Variants in CAMK1D observed in about 807,000 individuals in gnomAD.
The protein encoded by CAMK1D is calcium/calmodulin dependent protein kinase ID, also known as calcium/calmodulin-dependent protein kinase type 1D.
CAMK1D carries 9 observed loss-of-function variants against 47.7 expected under a neutral mutation model. That is an observed-to-expected ratio of 0.19 (90% CI 0.11 to 0.33). CAMK1D has a LOEUF of 0.33. CAMK1D is among the 10% of genes least tolerant of loss of function. The pLI is 1.00. For synonymous variants in CAMK1D, 184 were observed against 184.9 expected (o/e 0.99, Z 0.04); for missense variants, 291 against 488.7 (o/e 0.60, Z 3.81).
Position 12,648,172 on chromosome 10 carries a change from C to T in CAMK1D, c.225-18564C>T, listed in dbSNP as rs528245287. ...ACCTTAAAGACATTATATTCCAGGACATACAGCCATTGTAACCAGCTAAGA... is the reference window on the plus strand; with the variant it reads ...ACCTTAAAGACATTATATTCCAGGATATACAGCCATTGTAACCAGCTAAGA... On this transcript the variant is annotated intron_variant, in intron 2 of 10. Coordinates refer to ENST00000619168, the MANE Select transcript of CAMK1D (RefSeq NM_153498.4). 6.6e-5 allele frequency among the ~76,000 whole-genome samples: 10 copies of T among 152,316 alleles called. No individual in the cohort carries two copies. In the South Asian group the frequency reaches 2.1e-3, roughly 32 times the overall value.
chr10:12,437,016 G>C (rs992586278), intron 1 of CAMK1D, among the ~76,000 whole-genome samples: 1 of 152,114 alleles, frequency 6.6e-6, no homozygotes, highest in African/African-American at 2.4e-5. Context: ...CTTCCTGGGG[G>C]GTGGGCACAC....
intron 1 of CAMK1D, among the ~76,000 whole-genome samples, chr10:12,363,559 A>G (rs1249330695): frequency 6.6e-6 from 1 of 152,126 alleles, no homozygotes; most frequent in African/African-American, 2.4e-5. Context: ...GTAATACCCA[A>G]TACAATGTAA....
intron 2 of CAMK1D, among the ~76,000 whole-genome samples, chr10:12,598,201 A>G (rs557457127): frequency 6.6e-6 from 1 of 152,336 alleles, no homozygotes; most frequent in Non-Finnish European, 1.5e-5. Flanking sequence ...CCCTGCTGTG[A>G]AAATGAAAAT....
At chr10:12,626,760 C>T (rs193056379) in intron 2 of CAMK1D, among the ~76,000 whole-genome samples, 169 of 152,216 alleles carry the variant, frequency 1.1e-3, no homozygotes, top group African/African-American at 3.9e-3. Context: ...TAAGTGTGAG[C>T]CACTGCACCC....
chr10:12,573,517 G>C (rs151199725), intron 2 of CAMK1D, among the ~76,000 whole-genome samples: 30 of 152,264 alleles, frequency 2.0e-4, no homozygotes, highest in Non-Finnish European at 4.1e-4. Context: ...CAGTGTGAGT[G>C]GGGGACTCAC....
At chr10:12,510,446 C>T (rs907164398) in intron 1 of CAMK1D, among the ~76,000 whole-genome samples, 1 of 152,080 alleles carries the variant, frequency 6.6e-6, no homozygotes, top group South Asian at 2.1e-4. Context: ...AGTGTAGCCA[C>T]GTGGGCATTT....
chr10:12,713,582 A>T (rs574819051), intron 3 of CAMK1D, among the ~76,000 whole-genome samples: 68 of 152,354 alleles, frequency 4.5e-4, no homozygotes, highest in African/African-American at 1.3e-3. Flanking sequence ...ACTAGGATCC[A>T]TGTTTGTAGA....
At chr10:12,606,208 C>T (rs1362072510) in intron 2 of CAMK1D, among the ~76,000 whole-genome samples, 3 of 151,126 alleles carry the variant, frequency 2.0e-5, no homozygotes, top group Non-Finnish European at 2.9e-5. Context: ...GGGGAGGGAG[C>T]GCGGGGCCTC....
At chr10:12,701,350 A>G (rs756280702) in intron 3 of CAMK1D, among the ~76,000 whole-genome samples, 29 of 152,370 alleles carry the variant, frequency 1.9e-4, no homozygotes, top group South Asian at 4.1e-4. Context: ...AACAAAAAGC[A>G]CACCAAAATA....
chr10:12,364,301 G>A (rs1424265205), intron 1 of CAMK1D, among the ~76,000 whole-genome samples: 1 of 145,792 alleles, frequency 6.9e-6, no homozygotes, highest in Non-Finnish European at 1.5e-5. Flanking sequence ...GAGTGCAGTG[G>A]CATGATCTCG....
intron 2 of CAMK1D, among the ~76,000 whole-genome samples, chr10:12,613,350 G>A (rs1838687572): frequency 6.6e-6 from 1 of 152,166 alleles, no homozygotes; most frequent in Non-Finnish European, 1.5e-5. Flanking sequence ...GGCATTACAC[G>A]AGACTGTGAC....
At chr10:12,590,733 A>C (rs561407969) in intron 2 of CAMK1D, among the ~76,000 whole-genome samples, 1 of 152,352 alleles carries the variant, frequency 6.6e-6, no homozygotes, top group East Asian at 1.9e-4. Context: ...GCCATCCATG[A>C]TTAGAATCAC....
chr10:12,352,714 G>A (rs1328178443), intron 1 of CAMK1D, among the ~76,000 whole-genome samples: 1 of 151,134 alleles, frequency 6.6e-6, no homozygotes, highest in East Asian at 1.9e-4. Context: ...CTTTTGGATT[G>A]TCGTCCTTTT....
intron 5 of CAMK1D, among the ~76,000 whole-genome samples, chr10:12,772,983 C>A (rs1055775315): frequency 3.3e-5 from 5 of 152,198 alleles, no homozygotes; most frequent in African/African-American, 1.2e-4. Flanking sequence ...AGCTCCTATT[C>A]AGCCACCAAA....
chr10:12,741,949 G>T (rs1021014819), intron 3 of CAMK1D, among the ~76,000 whole-genome samples: 2 of 152,146 alleles, frequency 1.3e-5, no homozygotes, highest in Non-Finnish European at 1.5e-5. Flanking sequence ...TGCTAAAGGT[G>T]AGGGATTCAG....
intron 6 of CAMK1D, among the ~76,000 whole-genome samples, chr10:12,804,929 C>A (rs1402467364): frequency 9.1e-6 from 1 of 110,070 alleles, no homozygotes; most frequent in Non-Finnish European, 1.8e-5. Flanking sequence ...TAAAGCTAGA[C>A]CCTGTCTCAA....
chr10:12,579,785 T>C (rs552714921), intron 2 of CAMK1D, among the ~76,000 whole-genome samples: 24 of 152,350 alleles, frequency 1.6e-4, no homozygotes, highest in South Asian at 4.1e-4. Flanking sequence ...GACCGTGGGC[T>C]GCACCACCCT....
At chr10:12,639,374 A>G (rs549566014) in intron 2 of CAMK1D, among the ~76,000 whole-genome samples, 27 of 152,068 alleles carry the variant, frequency 1.8e-4, no homozygotes, top group African/African-American at 6.3e-4. Context: ...AATCCCAGCT[A>G]CTCGGGAGGC....
intron 5 of CAMK1D, among the ~76,000 whole-genome samples, 162 bp from the exon 6 acceptor site, chr10:12,790,992 TCTTC>T (rs1837954338): frequency 7.7e-6 from 1 of 129,210 alleles, no homozygotes; most frequent in Non-Finnish European, 1.6e-5. Flanking sequence ...CAAGACCCTA[TCTTC>T]CTTCCTTTAA....
Sources: gnomAD v4.1 joint callset for allele counts (sites outside exome capture counted in the v4.1 genomes callset) on GRCh38, gnomAD v4.1.1 for gene constraint, MANE v1.5 for transcripts, NCBI Gene and HGNC (gene_info 2026-07-23, HGNC 2026-07-21) for gene names.